Variants in VEZT observed in about 807,000 individuals in gnomAD.
The protein encoded by VEZT is vezatin.
Under a neutral mutation model 79.9 loss-of-function variants are expected in VEZT, and 39 were observed. That is an observed-to-expected ratio of 0.49 (90% CI 0.38 to 0.64). The LOEUF is 0.64. Among genes scored for constraint, VEZT ranks in the 30% least tolerant of loss-of-function variants. The pLI is 0.00. For missense variants in VEZT, 837 were observed against 893.1 expected (o/e 0.94, Z 0.80); for synonymous variants, 325 against 327.6 (o/e 0.99, Z 0.09).
chr12:95,227,303 G>A (rs981773618), intron 1 of VEZT, among the ~76,000 whole-genome samples: 1 of 151,490 alleles, frequency 6.6e-6, no homozygotes, highest in Non-Finnish European at 1.5e-5. Flanking sequence ...TGGGACTACA[G>A]GCATGTGCCA....
chr12:95,283,312 T>C (rs2069669458), intron 8 of VEZT, among the ~76,000 whole-genome samples: 2 of 152,232 alleles, frequency 1.3e-5, no homozygotes, highest in South Asian at 4.1e-4. Flanking sequence ...AGTTTAAAAA[T>C]TGAATCAAGG....
Position 95,262,988 on chromosome 12 carries a change from T to C in VEZT, c.341T>C (p.Leu114Pro), listed in dbSNP as rs376290344. Residue 114 changes from leucine (L) to proline (P), a missense_variant, in exon 4 of 12, where the codon CTA becomes CCA. Leu to Pro is a moderately conservative substitution (Grantham distance 98, BLOSUM62 -3). Coordinates refer to ENST00000436874, the MANE Select transcript of VEZT (RefSeq NM_017599.4). ...LLQEDVELIE[L>P]LDPSILSAGQ... ...CAAGAGGATGTGGAGCTGATTGAGC[T>C]ACTTGATCCCAGTATCCTGTCTGCA... 1.2e-6 allele frequency: 2 copies of C among 1,613,634 alleles called. No homozygotes were observed. Among genetic ancestry groups the C allele is most frequent in the Non-Finnish European group, 1.7e-6 (2 of 1,179,650 alleles).
intron 1 of VEZT, among the ~76,000 whole-genome samples, chr12:95,234,645 A>G (rs1207744481): frequency 6.6e-6 from 1 of 151,900 alleles, no homozygotes; most frequent in East Asian, 1.9e-4. Context: ...TTTTGAAAGT[A>G]GTTTTGTTTT....
At chr12:95,255,035 A>G (rs1286467491) in intron 2 of VEZT, among the ~76,000 whole-genome samples, 1 of 151,954 alleles carries the variant, frequency 6.6e-6, no homozygotes, top group African/African-American at 2.4e-5. Flanking sequence ...CTTTCTTGCC[A>G]CTTATGTCCA....
At chr12:95,257,488 A>G (rs1449536685) in intron 3 of VEZT, among the ~76,000 whole-genome samples, 1 of 152,178 alleles carries the variant, frequency 6.6e-6, no homozygotes, top group African/African-American at 2.4e-5. Context: ...CTAATTTACT[A>G]TTGCCCTCTT....
intron 1 of VEZT, among the ~76,000 whole-genome samples, chr12:95,238,772 TTCAATCAGTAA>T (rs2060511112): frequency 6.6e-6 from 1 of 152,198 alleles, no homozygotes; most frequent in African/African-American, 2.4e-5. Flanking sequence ...TGCCAACCAT[TTCAATCAGTAA>T]TCAAGTTATT....
rs1446827478 is a variant in VEZT, at chr12:95,294,255, A to G, written c.1523-17A>G. 4 of 1,557,764 alleles carry G rather than the reference A, an allele frequency of 2.6e-6. No homozygotes were observed. The highest frequency in any genetic ancestry group is 3.5e-6 in the Non-Finnish European group (4 of 1,146,916). Reference sequence around the variant, plus strand: ...CTGTTTCTTATCTTTATTCCCATCTATTCCCGTTTTTTAAAGGCAAGCCTG... The same window carrying G: ...CTGTTTCTTATCTTTATTCCCATCTGTTCCCGTTTTTTAAAGGCAAGCCTG... On this transcript the variant is annotated splice_polypyrimidine_tract_variant and intron_variant, in intron 9 of 11. Transcript: ENST00000436874.
At chr12:95,265,153 G>T (rs1392968082) in intron 4 of VEZT, among the ~76,000 whole-genome samples, 1 of 152,014 alleles carries the variant, frequency 6.6e-6, no homozygotes, top group Non-Finnish European at 1.5e-5. Flanking sequence ...GGGCCACTGT[G>T]CCTGGCCCCC....
chr12:95,284,652 G>GTC (rs1473262197), intron 8 of VEZT, among the ~76,000 whole-genome samples: 1 of 152,088 alleles, frequency 6.6e-6, no homozygotes, highest in Non-Finnish European at 1.5e-5. Flanking sequence ...CTGTATAAAT[G>GTC]CCTTTTCCCA....
chr12:95,243,595 G>T (rs1481658015), intron 1 of VEZT, among the ~76,000 whole-genome samples: 1 of 152,124 alleles, frequency 6.6e-6, no homozygotes, highest in Non-Finnish European at 1.5e-5. Flanking sequence ...AAATGTATCA[G>T]TATGTATCTC....
chr12:95,237,911 G>A (rs560125717), intron 1 of VEZT, among the ~76,000 whole-genome samples: 3 of 152,082 alleles, frequency 2.0e-5, no homozygotes, highest in South Asian at 2.1e-4. Flanking sequence ...ATGTTCTCAC[G>A]AGAAAAAAGT....
At chr12:95,223,997 T>C (rs1285000305) in intron 1 of VEZT, among the ~76,000 whole-genome samples, 1 of 152,200 alleles carries the variant, frequency 6.6e-6, no homozygotes, top group Admixed American at 6.5e-5. Context: ...TTTTGAAATG[T>C]AGTTTGTCTC....
intron 7 of VEZT, among the ~76,000 whole-genome samples, chr12:95,277,199 C>T (rs952509938): frequency 3.3e-5 from 5 of 152,124 alleles, no homozygotes; most frequent in Admixed American, 3.3e-4. Flanking sequence ...CTACAAACTG[C>T]AGGAAATTAT....
chr12:95,227,105 T>C (rs1692347493), intron 1 of VEZT, among the ~76,000 whole-genome samples: 1 of 152,140 alleles, frequency 6.6e-6, no homozygotes, highest in Admixed American at 6.5e-5. Context: ...TTAATTACAG[T>C]GTTTTGAGAG....
chr12:95,284,843 T>G (rs1325059595), intron 8 of VEZT, among the ~76,000 whole-genome samples: 1 of 152,072 alleles, frequency 6.6e-6, no homozygotes, highest in Non-Finnish European at 1.5e-5. Context: ...GTACACAATA[T>G]TCCACTTTAA....
chr12:95,254,535 T>C (rs963749198), intron 2 of VEZT, among the ~76,000 whole-genome samples: 7 of 151,910 alleles, frequency 4.6e-5, no homozygotes, highest in African/African-American at 1.7e-4. Flanking sequence ...TTAGTAGAGA[T>C]GGGGTTTTAC....
chr12:95,222,799 G>A (rs905518251), intron 1 of VEZT, among the ~76,000 whole-genome samples: 2 of 152,128 alleles, frequency 1.3e-5, no homozygotes, highest in Non-Finnish European at 1.5e-5. Context: ...CTTCCAATCC[G>A]TGAACATTTA....
At chr12:95,298,461 T>C (rs1594288459) in intron 11 of VEZT, among the ~76,000 whole-genome samples, 1 of 152,326 alleles carries the variant, frequency 6.6e-6, no homozygotes, top group East Asian at 1.9e-4. Flanking sequence ...GGGTTTTGTT[T>C]TGTTTTGTTT....
chr12:95,273,443 G>C (rs2067034230), intron 6 of VEZT, among the ~76,000 whole-genome samples: 1 of 152,156 alleles, frequency 6.6e-6, no homozygotes, highest in African/African-American at 2.4e-5. Flanking sequence ...AGAAGGTACT[G>C]GTAAATGGAA....
Sources: allele counts gnomAD v4.1 joint callset (sites outside exome capture counted in the v4.1 genomes callset), GRCh38; gene constraint gnomAD v4.1.1; transcripts MANE v1.5; gene names NCBI Gene and HGNC (gene_info 2026-07-23, HGNC 2026-07-21).